Variants in ABAT observed in about 807,000 individuals in gnomAD.
The protein encoded by ABAT is 4-aminobutyrate aminotransferase.
A neutral mutation model predicts 64.6 loss-of-function variants in ABAT; 45 were observed. The observed-to-expected ratio is 0.70, with a 90% CI of 0.55 to 0.89. ABAT has a LOEUF of 0.89. Among genes scored for constraint, ABAT ranks in the 40% least tolerant of loss-of-function variants. The pLI, the probability that ABAT is intolerant of heterozygous loss-of-function variation, is 0.00. For synonymous variants in ABAT, 297 were observed against 250.5 expected (o/e 1.19, Z -1.75); for missense variants, 633 against 658.4 (o/e 0.96, Z 0.42).
At chr16:8,770,160 T>C (rs888554057) in intron 11 of ABAT, among the ~76,000 whole-genome samples, 7 of 152,174 alleles carry the variant, frequency 4.6e-5, no homozygotes, top group South Asian at 2.1e-4. Flanking sequence ...GTTTTTGAGA[T>C]GGAGTCTAGC....
At chr16:8,774,082 C>T (rs771217553) in intron 12 of ABAT, among the ~76,000 whole-genome samples, 3 of 152,144 alleles carry the variant, frequency 2.0e-5, no homozygotes, top group Non-Finnish European at 4.4e-5. Context: ...GTGCACGACA[C>T]CATGCCCAGC....
chr16:8,748,160 T>C, intron 4 of ABAT, 23 bp downstream of exon 4: 1 of 1,609,134 alleles, frequency 6.2e-7, no homozygotes, highest in East Asian at 2.2e-5. Context: ...GAGGTAACTT[T>C]CCTTCTGTTG....
chr16:8,755,263 G>T (rs2059617979), intron 5 of ABAT, among the ~76,000 whole-genome samples: 1 of 152,078 alleles, frequency 6.6e-6, no homozygotes, highest in South Asian at 2.1e-4. Context: ...CGACAGGGAG[G>T]TCCAGGTGCA....
intron 5 of ABAT, among the ~76,000 whole-genome samples, chr16:8,755,029 T>TA (rs2059611466): frequency 6.6e-6 from 1 of 152,224 alleles, no homozygotes; most frequent in Admixed American, 6.5e-5. Flanking sequence ...GAATTTCTGT[T>TA]AGTTACTGGC....
chr16:8,744,200 G>A (rs1257492122), intron 2 of ABAT, among the ~76,000 whole-genome samples: 2 of 152,122 alleles, frequency 1.3e-5, no homozygotes, highest in African/African-American at 2.4e-5. Flanking sequence ...AAAGAAAAGA[G>A]GTTTAATTGG....
chr16:8,768,291 T>G, intron 10 of ABAT, 35 bp downstream of exon 10: 1 of 1,605,414 alleles, frequency 6.2e-7, no homozygotes, highest in Non-Finnish European at 8.5e-7. Context: ...AAGGTGGCGT[T>G]TAGAATAGTA....
rs12597124 is a variant in ABAT at position 8,783,997 on chromosome 16, C to G, written c.*2567C>G. The G allele has an allele frequency of 0.62, 94,775 of 152,060 alleles. 29,773 individuals are homozygous for G. The highest frequency in any genetic ancestry group is 0.71 in the Middle Eastern group (210 of 294). 9.4% of individuals were successfully genotyped at this position (152,060 alleles called of 1,614,324 possible). On this transcript the variant is annotated 3_prime_UTR_variant, in exon 16 of 16. Transcript: ENST00000268251. Reference sequence around the variant, plus strand: ...GCTCTTTTGGGGGCTGGGGCTTTAGCTAGAAGAATTTCAAGGAAAAGAATT... The same window carrying G: ...GCTCTTTTGGGGGCTGGGGCTTTAGGTAGAAGAATTTCAAGGAAAAGAATT...
At chr16:8,746,234 A>G in intron 3 of ABAT, 136 bp downstream of exon 3, 2 of 750,526 alleles carry the variant, frequency 2.7e-6, no homozygotes, top group Admixed American at 2.0e-5. Flanking sequence ...GATCTGAGAT[A>G]CTCAATGAGG....
At chr16:8,688,941 G>A (rs1349299328) in intron 1 of ABAT, among the ~76,000 whole-genome samples, 7 of 152,116 alleles carry the variant, frequency 4.6e-5, no homozygotes, top group East Asian at 3.9e-4. Context: ...TTAGCCGGGC[G>A]TGGTGGCAGG....
chr16:8,735,880 TG>T, intron 2 of ABAT, 71 bp downstream of exon 2: 6 of 1,392,926 alleles, frequency 4.3e-6, no homozygotes, highest in Non-Finnish European at 5.9e-6. Flanking sequence ...ATTCCTGGGC[TG>T]GAAGAGCCCT....
In ABAT at chr16:8,743,423, T is replaced by TTA. The variant is rs1182574273; in HGVS notation, c.71-2557_71-2556dup. ...GTCCCCTCTTGTGTAATGGAAACAG[T>TTA]TATATATATATATATATATATACAC... On this transcript the variant is annotated intron_variant, in intron 2 of 15. Coordinates refer to ENST00000268251, the MANE Select transcript of ABAT (RefSeq NM_020686.6). Among the ~76,000 whole-genome samples the TTA allele has an allele frequency of 2.4e-3, 110 of 45,268 alleles. 5 individuals are homozygous for TTA. The highest frequency in any genetic ancestry group is 8.6e-3 in the Admixed American group (29 of 3,372). The allele number at this position is 45,268 out of a possible 152,430, so 29.7% of individuals were successfully genotyped here. A position where few individuals can be genotyped will look rare whatever the true frequency, so the allele number is the denominator to read the frequency against.
At position 8,748,144 on chromosome 16, in the gene ABAT, G is replaced by A. The variant is rs777518669; in HGVS notation, c.198+7G>A. On this transcript the variant is annotated splice_region_variant and intron_variant, in intron 4 of 15. Coordinates refer to ENST00000268251, the MANE Select transcript of ABAT (RefSeq NM_020686.6). ...ACAGCTGAATATAATTCAGGTAAGT[G>A]AGGAGGAGGTAACTTTCCTTCTGTT... is the stretch of plus-strand genomic sequence containing the variant. The A allele has an allele frequency of 3.1e-6, 5 of 1,612,798 alleles. No individual in the cohort carries two copies. In the African/African-American group the frequency reaches 5.3e-5, roughly 17 times the overall value.
At position 8,781,105 on chromosome 16, in the gene ABAT, G is replaced by T. The variant is rs1366617222; in HGVS notation, c.1382-204G>T. 2.6e-6 allele frequency: 2 copies of T among 774,238 alleles called. No individual in the cohort carries two copies. The highest frequency in any genetic ancestry group is 4.6e-6 in the Non-Finnish European group (2 of 435,098). 48.0% of individuals were successfully genotyped at this position (774,238 alleles called of 1,614,324 possible). ...GGAAAGGAAGAAGAGAATGATGGAG[G>T]AGATGAATGAGGGGAGAGAGAAAGG... On this transcript the variant is annotated intron_variant, in intron 15 of 15. Coordinates refer to ENST00000268251, the MANE Select transcript of ABAT (RefSeq NM_020686.6). The surrounding 1 kb of genome is among the most constrained non-coding windows in gnomAD (Gnocchi z 4.5).
At chr16:8,726,866 T>A (rs1475007375) in intron 1 of ABAT, among the ~76,000 whole-genome samples, 2 of 152,234 alleles carry the variant, frequency 1.3e-5, no homozygotes, top group African/African-American at 4.8e-5. Context: ...ATTGCCTGTC[T>A]TTTGGATATA....
chr16:8,713,745 C>A, intron 1 of ABAT: 1 of 396,198 alleles, frequency 2.5e-6, no homozygotes, highest in Non-Finnish European at 5.2e-6. Flanking sequence ...GAGCTGGTGC[C>A]CAACGGCACC....
In ABAT at chr16:8,732,999, G is replaced by A. The variant is rs375094400; in HGVS notation, c.-41-2700G>A. ...GGGCTGATGCCCCCACCTCCCTCCC[G>A]GACGGGGCGGCTGGCCTGGCAGGGG... On this transcript the variant is annotated intron_variant, in intron 1 of 15. Coordinates refer to ENST00000268251, the MANE Select transcript of ABAT (RefSeq NM_020686.6). Among the ~76,000 whole-genome samples the A allele has an allele frequency of 8.8e-4, 132 of 149,374 alleles. 2 individuals are homozygous for A. The East Asian group carries it at 0.019, about 22-fold the overall frequency.
At chr16:8,732,446 G>A (rs1174079622) in intron 1 of ABAT, among the ~76,000 whole-genome samples, 1 of 150,596 alleles carries the variant, frequency 6.6e-6, no homozygotes, top group Non-Finnish European at 1.5e-5. Flanking sequence ...CTGCCTTCAA[G>A]CATCTGTTTA....
In ABAT at chr16:8,781,192, TGGATG is replaced by T; in HGVS notation, c.1382-115_1382-111del. On this transcript the variant is annotated intron_variant, in intron 15 of 15. Coordinates refer to ENST00000268251, the MANE Select transcript of ABAT (RefSeq NM_020686.6). This position sits in a 1 kb window ranked among gnomAD's most constrained non-coding sequence, Gnocchi z 4.5. ...CCCGGGCTTCCATGATGGAGGATGA[TGGATG>T]GATGGATGGATGGATGGATGAGCGT... The T allele has an allele frequency of 5.8e-6, 1 of 171,814 alleles. No homozygotes were observed. The highest frequency in any genetic ancestry group is 9.3e-6 in the Non-Finnish European group (1 of 107,906). 10.6% of individuals were successfully genotyped at this position (171,814 alleles called of 1,614,324 possible). A position where few individuals can be genotyped will look rare whatever the true frequency, so the allele number is the denominator to read the frequency against.
chr16:8,678,566 G>A (rs532990874), intron 1 of ABAT, among the ~76,000 whole-genome samples: 1 of 152,228 alleles, frequency 6.6e-6, no homozygotes, highest in Non-Finnish European at 1.5e-5. Context: ...AAACAACTGA[G>A]TTCTGGGCCT....
Sources: gnomAD v4.1 joint callset for allele counts (sites outside exome capture counted in the v4.1 genomes callset) on GRCh38, gnomAD v4.1.1 for gene constraint, Gnocchi (gnomAD v3.1) non-coding constraint, MANE v1.5 for transcripts, NCBI Gene and HGNC (gene_info 2026-07-23, HGNC 2026-07-21) for gene names.